Variants in C19orf38 observed in about 807,000 individuals in gnomAD.
C19orf38 encodes the protein protein HIDE1.
C19orf38 carries 14 observed loss-of-function variants against 26.6 expected under a neutral mutation model. That is an observed-to-expected ratio of 0.53 (90% CI 0.35 to 0.82). The LOEUF is 0.82. Among genes scored for constraint, C19orf38 ranks in the 40% least tolerant of loss-of-function variants. The pLI, the probability that C19orf38 is intolerant of heterozygous loss-of-function variation, is 0.01. For synonymous variants in C19orf38, 132 were observed against 128.5 expected, an observed-to-expected ratio of 1.03 and a Z score of -0.18; for missense variants, 261 against 299.5, an observed-to-expected ratio of 0.87 and a Z score of 0.95.
intron 1 of C19orf38, among the ~76,000 whole-genome samples, chr19:10,839,621 T>C (rs1355787957): frequency 6.6e-6 from 1 of 152,230 alleles, no homozygotes; most frequent in Non-Finnish European, 1.5e-5. Context: ...ATTGAACTTC[T>C]TTTACTTAGC....
At chr19:10,865,768 C>T (rs539986588) in intron 6 of C19orf38, among the ~76,000 whole-genome samples, 1 of 152,274 alleles carries the variant, frequency 6.6e-6, no homozygotes, top group South Asian at 2.1e-4. Context: ...AGCAGCTGCA[C>T]GTGGCAAATA....
At chr19:10,837,494 T>C (rs2073443045) in intron 1 of C19orf38, among the ~76,000 whole-genome samples, 1 of 147,936 alleles carries the variant, frequency 6.8e-6, no homozygotes, top group Non-Finnish European at 1.5e-5. Flanking sequence ...TTTTTTTAAT[T>C]TTTTTTTCCT....
At chr19:10,845,376 A>G (rs1037120343), upstream of C19orf38, among the ~76,000 whole-genome samples, 1 of 152,192 alleles carries the variant, frequency 6.6e-6, no homozygotes, top group Non-Finnish European at 1.5e-5. Context: ...ACCACAAAGG[A>G]GTTAAAAATC....
Position 10,859,346 on chromosome 19 carries a change from GTGTATATATATATATATATA to G in C19orf38, c.462-567_462-548del, listed in dbSNP as rs1193024957. Reference sequence around the variant, plus strand: ...TGTGTATGTATGTGTGTGTGTGTGTGTGTATATATATATATATATATATATATATATATATATATTTTTTT... The same window carrying G: ...TGTGTATGTATGTGTGTGTGTGTGTGTATATATATATATATATATTTTTTT... On this transcript the variant is annotated intron_variant, in intron 4 of 6. Coordinates refer to ENST00000397820, the MANE Select transcript of C19orf38 (RefSeq NM_001136482.3). Among the ~76,000 whole-genome samples the G allele has an allele frequency of 8.6e-4, 38 of 44,098 alleles. 1 individual carries two copies. The highest frequency in any genetic ancestry group is 3.4e-3 in the African/African-American group (32 of 9,352). 28.9% of individuals were successfully genotyped at this position (44,098 alleles called of 152,430 possible).
chr19:10,846,569 A>T (rs891863936), upstream of C19orf38, among the ~76,000 whole-genome samples: 7 of 152,126 alleles, frequency 4.6e-5, no homozygotes, highest in Non-Finnish European at 1.0e-4. Context: ...AAAACAACAA[A>T]TCCAAACTGT....
At chr19:10,862,815 T>G (rs1212208220) in intron 5 of C19orf38, among the ~76,000 whole-genome samples, 2 of 150,920 alleles carry the variant, frequency 1.3e-5, no homozygotes, top group African/African-American at 4.9e-5. Context: ...GGCAACAGAG[T>G]GAGACTCCTT....
At position 10,869,411 on chromosome 19, in the gene C19orf38, C is replaced by T. The variant is rs911725355; in HGVS notation, c.*44C>T. Reference sequence around the variant, plus strand: ...CCCTCTGTCTCCAGGCATTCGGGGGCCTGAGGTCCCTCCAGCTACTTCTGG... The same window carrying T: ...CCCTCTGTCTCCAGGCATTCGGGGGTCTGAGGTCCCTCCAGCTACTTCTGG... On this transcript the variant is annotated 3_prime_UTR_variant, in exon 7 of 7. Coordinates refer to ENST00000397820, the MANE Select transcript of C19orf38 (RefSeq NM_001136482.3). The T allele has an allele frequency of 1.2e-5, 18 of 1,509,356 alleles. No individual in the cohort carries two copies. The highest frequency in any genetic ancestry group is 9.6e-5 in the Admixed American group (4 of 41,670). The allele number at this position is 1,509,356 out of a possible 1,614,324, so 93.5% of individuals were successfully genotyped here.
intron 4 of C19orf38, 23 bp from the exon 5 acceptor site, chr19:10,859,892 C>T: frequency 1.3e-6 from 2 of 1,551,068 alleles, no homozygotes; most frequent in Non-Finnish European, 1.7e-6. Flanking sequence ...ATCCCTGTCA[C>T]TTTCTCCTGA....
chr19:10,837,695 G>A (rs1390414890), intron 1 of C19orf38, among the ~76,000 whole-genome samples: 1 of 151,670 alleles, frequency 6.6e-6, no homozygotes, highest in African/African-American at 2.4e-5. Context: ...TTTTAGTAGA[G>A]AGGGGGTTTC....
Position 10,863,264 on chromosome 19 carries a change from GGGGC to G in C19orf38, c.543+62_543+65del. The G allele has an allele frequency of 3.3e-6, 5 of 1,525,882 alleles. No homozygotes were observed. The South Asian group carries it at 6.0e-5, about 18-fold the overall frequency. The allele number at this position is 1,525,882 out of a possible 1,614,324, so 94.5% of individuals were successfully genotyped here. On this transcript the variant is annotated intron_variant, in intron 6 of 6. Coordinates refer to ENST00000397820, the MANE Select transcript of C19orf38 (RefSeq NM_001136482.3). Reference sequence around the variant, plus strand: ...CTGCTGACCGTCCTACCGGGAGAACGGGGCGGGCTCAAGGGGCACCACGAGGCTA... The same window carrying G: ...CTGCTGACCGTCCTACCGGGAGAACGGGGCTCAAGGGGCACCACGAGGCTA...
At chr19:10,860,864 G>T (rs1030410917) in intron 5 of C19orf38, among the ~76,000 whole-genome samples, 1 of 144,602 alleles carries the variant, frequency 6.9e-6, no homozygotes, top group Non-Finnish European at 1.5e-5. Flanking sequence ...AAAAGAAAGG[G>T]CCAGGCACGG....
chr19:10,859,179 C>T (rs936194666), intron 4 of C19orf38, among the ~76,000 whole-genome samples: 4 of 148,774 alleles, frequency 2.7e-5, no homozygotes, highest in East Asian at 2.0e-4. Flanking sequence ...TCAGGTGATC[C>T]GCCCGCCTGT....
At chr19:10,856,434 A>G in intron 3 of C19orf38, 77 bp downstream of exon 3, 2 of 1,150,344 alleles carry the variant, frequency 1.7e-6, no homozygotes, top group Non-Finnish European at 2.5e-6. Context: ...TACACTCACA[A>G]CTCACACCAT....
chr19:10,864,526 G>C lies in C19orf38; in HGVS notation c.543+1319G>C, dbSNP rs115160281. Among the ~76,000 whole-genome samples the C allele has an allele frequency of 1.3e-3, 200 of 152,220 alleles. 2 individuals carry two copies. The highest frequency in any genetic ancestry group is 4.5e-3 in the African/African-American group (187 of 41,536). On this transcript the variant is annotated intron_variant, in intron 6 of 6. Transcript: ENST00000397820. ...CTTTGATTTTACTGCTATTGAGCTGGGATCCCGGAAGGGTTCCTAGTATAG... is the reference window on the plus strand; with the variant it reads ...CTTTGATTTTACTGCTATTGAGCTGCGATCCCGGAAGGGTTCCTAGTATAG...
At chr19:10,855,779 T>G (rs778842865) in intron 2 of C19orf38, among the ~76,000 whole-genome samples, 4 of 151,744 alleles carry the variant, frequency 2.6e-5, no homozygotes, top group Non-Finnish European at 5.9e-5. Flanking sequence ...CCACCTGCCT[T>G]GGCCTCCCAA....
intron 6 of C19orf38, among the ~76,000 whole-genome samples, chr19:10,865,542 A>G (rs757751518): frequency 2.0e-5 from 3 of 151,804 alleles, no homozygotes; most frequent in African/African-American, 4.8e-5. Context: ...CGAGGTGGGA[A>G]GATTGCTTGA....
At chr19:10,858,725 A>G (rs1018060532) in intron 4 of C19orf38, among the ~76,000 whole-genome samples, 1 of 152,020 alleles carries the variant, frequency 6.6e-6, no homozygotes, top group Non-Finnish European at 1.5e-5. Flanking sequence ...TCAGTTTCTA[A>G]AGAATGCCCC....
rs1378189302 is a variant in C19orf38, at chr19:10,863,338, C to T, written c.543+131C>T. 3 of 1,064,728 alleles carry T rather than the reference C, an allele frequency of 2.8e-6. No individual in the cohort carries two copies. In the Admixed American group the frequency reaches 6.5e-5, roughly 23 times the overall value. The allele number at this position is 1,064,728 out of a possible 1,614,324, so 66.0% of individuals were successfully genotyped here. A position where few individuals can be genotyped will look rare whatever the true frequency, so the allele number is the denominator to read the frequency against. Reference sequence around the variant, plus strand: ...AGCTGCGGGGGGGCTAGGAAAAGCCCAGAATCACTGAACAGGGACTCAGTA... The same window carrying T: ...AGCTGCGGGGGGGCTAGGAAAAGCCTAGAATCACTGAACAGGGACTCAGTA... On this transcript the variant is annotated intron_variant, in intron 6 of 6. Transcript: ENST00000397820.
At chr19:10,857,362 A>ATTTTTTTT (rs1304594112) in intron 3 of C19orf38, among the ~76,000 whole-genome samples, 4 of 81,642 alleles carry the variant, frequency 4.9e-5, no homozygotes, top group African/African-American at 2.9e-4. Flanking sequence ...ATATATATAT[A>ATTTTTTTT]TATATTTTTT....
Sources: allele counts gnomAD v4.1 joint callset (sites outside exome capture counted in the v4.1 genomes callset), GRCh38; gene constraint gnomAD v4.1.1; transcripts MANE v1.5; gene names NCBI Gene and HGNC (gene_info 2026-07-23, HGNC 2026-07-21).